TBL2: variants seen among roughly 807,000 people sequenced by gnomAD.
The protein encoded by TBL2 is transducin beta like 2.
Under a neutral mutation model 41.8 loss-of-function variants are expected in TBL2, and 33 were observed. The ratio of observed to expected loss-of-function variants is 0.79; its 90% CI spans 0.60 to 1.06. TBL2 has a LOEUF of 1.06. Among genes scored for constraint, TBL2 ranks in the 50% least tolerant of loss-of-function variants. TBL2 has a pLI of 0.00. For synonymous variants in TBL2, 239 were observed against 241.7 expected (o/e 0.99, Z 0.10); for missense variants, 522 against 603.8 (o/e 0.86, Z 1.42).
In TBL2 at chr7:73,574,471, G is replaced by A. The variant is rs368949999; in HGVS notation, c.173C>T (p.Ser58Phe). 2.5e-6 allele frequency: 4 copies of A among 1,614,100 alleles called. No homozygotes were observed. The African/African-American group carries it at 4.0e-5, about 16-fold the overall frequency. Residue 58 changes from serine (S) to phenylalanine (F), a missense_variant, in exon 2 of 7, where the codon TCC (serine) becomes TTC (phenylalanine). Transcript: ENST00000305632. Reference protein sequence around the residue: ...NGFPPDKSSGSKKQKQYQRIR... With the variant: ...NGFPPDKSSGFKKQKQYQRIR... ...CCGCTGATATTGTTTCTGCTTCTTG[G>A]ATCCCGAAGATTTGTCAGGTGGAAA... is the stretch of plus-strand genomic sequence containing the variant.
At chr7:73,577,702 C>T (rs1231788518) in intron 1 of TBL2, among the ~76,000 whole-genome samples, 1 of 152,150 alleles carries the variant, frequency 6.6e-6, no homozygotes, top group African/African-American at 2.4e-5. Flanking sequence ...TACAGTGGCG[C>T]GATCTATCAC....
rs1245377585 is a variant in TBL2 at position 73,577,184 on chromosome 7, CCA to C, written c.130+1234_130+1235del. Among the ~76,000 whole-genome samples, 4 of 150,336 alleles carry C rather than the reference CCA, an allele frequency of 2.7e-5. No individual in the cohort carries two copies. The East Asian group carries it at 7.8e-4, about 29-fold the overall frequency. ...GCTGAGGCAGGAGAATGGCGTGAAC[CCA>C]GAGGCGGAGCTTGCAGTGAGCCGAG... On this transcript the variant is annotated intron_variant, in intron 1 of 6. Transcript: ENST00000305632.
intron 1 of TBL2, 175 bp downstream of exon 1, chr7:73,578,245 C>A: frequency 6.5e-7 from 1 of 1,531,664 alleles, no homozygotes; most frequent in South Asian, 1.2e-5. Context: ...GTGCGCCTAA[C>A]CCGGCAAGGC....
At chr7:73,575,728 G>A (rs913809853) in intron 1 of TBL2, among the ~76,000 whole-genome samples, 42 of 152,298 alleles carry the variant, frequency 2.8e-4, no homozygotes, top group Non-Finnish European at 4.6e-4. Flanking sequence ...CACTGTGTCC[G>A]GCCCAGCCTT....
intron 4 of TBL2, 43 bp from the exon 5 acceptor site, chr7:73,573,013 A>T (rs782320091): frequency 1.6e-5 from 26 of 1,612,416 alleles, no homozygotes; most frequent in Non-Finnish European, 2.2e-5. Flanking sequence ...CAGTGACCTG[A>T]CCAACTGTCA....
chr7:73,568,723 T>TC lies in TBL2; in HGVS notation c.*1783dup, dbSNP rs536704368. ...TGGTGGATCATTTGAGGTCAGGAGTTCGAGAGCAGCCTGGCCAACATCGTG... is the reference window on the plus strand; with the variant it reads ...TGGTGGATCATTTGAGGTCAGGAGTTCCGAGAGCAGCCTGGCCAACATCGTG... On this transcript the variant is annotated 3_prime_UTR_variant, in exon 7 of 7. Coordinates refer to ENST00000305632, the MANE Select transcript of TBL2 (RefSeq NM_012453.4). Among the ~76,000 whole-genome samples, 117 of 152,180 alleles carry TC rather than the reference T, an allele frequency of 7.7e-4. No individual in the cohort carries two copies. The highest frequency in any genetic ancestry group is 2.7e-3 in the African/African-American group (114 of 41,504).
intron 4 of TBL2, 68 bp from the exon 5 acceptor site, chr7:73,573,038 T>C (rs563409726): frequency 6.2e-7 from 1 of 1,602,684 alleles, no homozygotes; most frequent in East Asian, 2.2e-5. Flanking sequence ...CCAAAGACAC[T>C]TACAAGGCCT....
Position 73,578,443 on chromosome 7 carries a change from TCCCCCGCGCGCAGCCA to T in TBL2, c.91_106del (p.Trp31ArgfsTer51). 1 of 1,539,822 alleles carries T rather than the reference TCCCCCGCGCGCAGCCA, an allele frequency of 6.5e-7. No homozygotes were observed. Among genetic ancestry groups the T allele is most frequent in the African/African-American group, 1.4e-5 (1 of 69,726 alleles). ...ACAGGCGGGCCGGCCGCTCCTCTCC[TCCCCCGCGCGCAGCCA>T]CCCCCGCGCTACCGCCGCCGTCGCC... On this transcript the variant is annotated frameshift_variant, in exon 1 of 7. Transcript: ENST00000305632. LOFTEE classifies it high-confidence loss of function.
In TBL2 at chr7:73,569,148, C is replaced by T. The variant is rs1792769426; in HGVS notation, c.*1359G>A. Reference sequence around the variant, plus strand: ...GCCCACTAGGTGACAGTAGCCAGGACCAGGATGGTAACAGAAAAGCTGGAG... The same window carrying T: ...GCCCACTAGGTGACAGTAGCCAGGATCAGGATGGTAACAGAAAAGCTGGAG... On this transcript the variant is annotated 3_prime_UTR_variant, in exon 7 of 7. Coordinates refer to ENST00000305632, the MANE Select transcript of TBL2 (RefSeq NM_012453.4). 1 of 152,006 alleles carries T rather than the reference C, an allele frequency of 6.6e-6. No homozygotes were observed. The highest frequency in any genetic ancestry group is 1.5e-5 in the Non-Finnish European group (1 of 68,032). 9.4% of individuals were successfully genotyped at this position (152,006 alleles called of 1,614,324 possible).
intron 1 of TBL2, chr7:73,578,154 C>CTA (rs1427679837): frequency 1.1e-5 from 13 of 1,230,194 alleles, no homozygotes; most frequent in African/African-American, 9.4e-5. Context: ...GCTCTCCTGG[C>CTA]CACCCCGGGG....
chr7:73,574,695 T>C, intron 1 of TBL2, 182 bp from the exon 2 acceptor site: 1 of 770,106 alleles, frequency 1.3e-6, no homozygotes, highest in Non-Finnish European at 2.1e-6. Context: ...GTATGGTGGC[T>C]CATGCCTGTA....
intron 1 of TBL2, chr7:73,577,930 G>C (rs1289683466): frequency 1.2e-5 from 3 of 255,140 alleles, no homozygotes; most frequent in African/African-American, 6.8e-5. Flanking sequence ...GAGCCACTTC[G>C]CCTGGCCTCA....
Position 73,573,351 on chromosome 7 carries a change from C to T in TBL2, c.567G>A (p.Ala189=), listed in dbSNP as rs141209031. The T allele has an allele frequency of 3.8e-3, 6,140 of 1,614,192 alleles. 31 individuals carry two copies. Among genetic ancestry groups the T allele is most frequent in the Middle Eastern group, 8.7e-3 (53 of 6,062 alleles). Residue 189 remains alanine, a synonymous_variant, in exon 4 of 7, where the codon GCG becomes GCA. Transcript: ENST00000305632. ...TAGCAATGCCAATGTCGATGACAGGCGCCTTGTGCTTTTTAGGGAAGTCCT... is the reference window on the plus strand; with the variant it reads ...TAGCAATGCCAATGTCGATGACAGGTGCCTTGTGCTTTTTAGGGAAGTCCT... ...TPEDFPKKHK[A]PVIDIGIANT...
chr7:73,571,941 A>G (rs1554587691), intron 5 of TBL2: 1 of 159,904 alleles, frequency 6.3e-6, no homozygotes. Context: ...CATGCCTGTA[A>G]TCCCAGCTAC....
Position 73,578,563 on chromosome 7 carries a change from C to T in TBL2, c.-14G>A. 6.3e-7 allele frequency: 1 copy of T among 1,586,012 alleles called. No homozygotes were observed. The highest frequency in any genetic ancestry group is 8.6e-7 in the Non-Finnish European group (1 of 1,168,452). On this transcript the variant is annotated 5_prime_UTR_variant, in exon 1 of 7. In the 5' UTR this introduces an upstream ATG that the reference lacks. Coordinates refer to ENST00000305632, the MANE Select transcript of TBL2 (RefSeq NM_012453.4). The stretch of plus-strand genomic sequence containing the variant: ...CGAGAGCTCCATGTTGGTGGAACCA[C>T]TGCCACCTCAGCTAGTGAGTACGCG...
At position 73,568,196 on chromosome 7, in the gene TBL2, C is replaced by T. The variant is rs1792722372; in HGVS notation, c.*2311G>A. 6.6e-6 allele frequency among the ~76,000 whole-genome samples: 1 copy of T among 152,100 alleles called. No homozygotes were observed. The highest frequency in any genetic ancestry group is 6.6e-5 in the Admixed American group (1 of 15,260). On this transcript the variant is annotated 3_prime_UTR_variant, in exon 7 of 7. Coordinates refer to ENST00000305632, the MANE Select transcript of TBL2 (RefSeq NM_012453.4). ...CCTGGCTTGAGTTTCACATTGAGTGCTTACACTGTCCCAGGTACTGTGCCT... is the reference window on the plus strand; with the variant it reads ...CCTGGCTTGAGTTTCACATTGAGTGTTTACACTGTCCCAGGTACTGTGCCT...
rs374089910 is a variant in TBL2 at position 73,570,864 on chromosome 7, C to T, written c.987G>A (p.Ala329=). The change falls in exon 7 of 7, where the codon GCG becomes GCA. Residue 329 remains alanine, a synonymous_variant. Transcript: ENST00000305632. The part of the protein sequence containing the change: ...YLLKTGRFEE[A]AGAAPCRLAL... ...CCAGGCGGCACGGCGCGGCACCCGC[C>T]GCCTCTTCAAAGCGGCCTGTCTTCA... is the stretch of plus-strand genomic sequence containing the variant. 2.5e-5 allele frequency: 40 copies of T among 1,613,756 alleles called. No individual in the cohort carries two copies. The highest frequency in any genetic ancestry group is 3.1e-5 in the Non-Finnish European group (37 of 1,180,034).
chr7:73,574,243 C>T lies in TBL2; in HGVS notation c.262-121G>A, dbSNP rs1584031948. The T allele has an allele frequency of 1.3e-5, 20 of 1,519,364 alleles. No homozygotes were observed. The South Asian group carries it at 2.0e-4, about 15-fold the overall frequency. The allele number at this position is 1,519,364 out of a possible 1,614,324, so 94.1% of individuals were successfully genotyped here. A position where few individuals can be genotyped will look rare whatever the true frequency, so the allele number is the denominator to read the frequency against. On this transcript the variant is annotated intron_variant, in intron 2 of 6. Coordinates refer to ENST00000305632, the MANE Select transcript of TBL2 (RefSeq NM_012453.4). ...TTAACAGCAAGCTGAGATTGGGCTG[C>T]GATGAGAGGGGACAGAATTAAGCAC...
chr7:73,573,727 A>T, intron 3 of TBL2: 1 of 754,312 alleles, frequency 1.3e-6, no homozygotes, highest in Non-Finnish European at 2.1e-6. Flanking sequence ...ATTTCCAGGT[A>T]GGAAGAGACC....
Sources: allele counts gnomAD v4.1 joint callset (sites outside exome capture counted in the v4.1 genomes callset), GRCh38; gene constraint gnomAD v4.1.1; transcripts MANE v1.5; gene names NCBI Gene and HGNC (gene_info 2026-07-23, HGNC 2026-07-21).